MTCL1: variants seen among roughly 807,000 people sequenced by gnomAD.
The protein encoded by MTCL1 is microtubule crosslinking factor 1.
Under a neutral mutation model 141.4 loss-of-function variants are expected in MTCL1, and 79 were observed. The ratio of observed to expected loss-of-function variants is 0.56; its 90% CI spans 0.47 to 0.67. The LOEUF is 0.67. Among genes scored for constraint, MTCL1 ranks in the 30% least tolerant of loss-of-function variants. The pLI is 0.00. For synonymous variants in MTCL1, 914 were observed against 875.8 expected, an observed-to-expected ratio of 1.04 and a Z score of -0.77; for missense variants, 2,177 against 2,113.9, an observed-to-expected ratio of 1.03 and a Z score of -0.59.
Position 8,735,854 on chromosome 18 carries a change from G to A in MTCL1, c.357+15358G>A, listed in dbSNP as rs114499658. Among the ~76,000 whole-genome samples, 724 of 152,226 alleles carry A rather than the reference G, an allele frequency of 4.8e-3. 14 individuals are homozygous for A. The highest frequency in any genetic ancestry group is 0.016 in the African/African-American group (678 of 41,502). Reference sequence around the variant, plus strand: ...CATACAACTTGTGAATGGCAGACAGGACCTTGTGCCAGTAGGAGCCATTGA... The same window carrying A: ...CATACAACTTGTGAATGGCAGACAGAACCTTGTGCCAGTAGGAGCCATTGA... On this transcript the variant is annotated intron_variant, in intron 4 of 16. Coordinates refer to ENST00000359865, the Ensembl canonical transcript of MTCL1.
chr18:8,773,377 T>C (rs1372128197), intron 4 of MTCL1, among the ~76,000 whole-genome samples: 1 of 152,210 alleles, frequency 6.6e-6, no homozygotes, highest in Admixed American at 6.5e-5. Context: ...AAAAAAATCT[T>C]GTTTTAATTG....
At chr18:8,804,339 T>C (rs2076222260) in intron 10 of MTCL1, among the ~76,000 whole-genome samples, 2 of 151,580 alleles carry the variant, frequency 1.3e-5, no homozygotes, top group African/African-American at 2.4e-5. Context: ...CACTGTAACC[T>C]TGAACTCCTG....
At chr18:8,753,735 T>C (rs1440737379) in intron 4 of MTCL1, among the ~76,000 whole-genome samples, 1 of 152,204 alleles carries the variant, frequency 6.6e-6, no homozygotes, top group East Asian at 1.9e-4. Flanking sequence ...CATCAAGGTT[T>C]CTCACTGCAA....
upstream of MTCL1, among the ~76,000 whole-genome samples, chr18:8,714,859 C>T (rs1485649573): frequency 3.9e-5 from 6 of 151,920 alleles, no homozygotes; most frequent in African/African-American, 1.2e-4. Context: ...TGCAGTGGCG[C>T]GATTTCCACT....
At chr18:8,720,064 G>T in intron 3 of MTCL1, 2 of 323,602 alleles carry the variant, frequency 6.2e-6, no homozygotes, top group Non-Finnish European at 1.1e-5. Flanking sequence ...CAGTTTGGGG[G>T]GGTTGGATAC....
chr18:8,758,708 C>T (rs2096415075), intron 4 of MTCL1, among the ~76,000 whole-genome samples: 3 of 152,202 alleles, frequency 2.0e-5, no homozygotes, highest in Admixed American at 2.0e-4. Context: ...GGCGCTTTCT[C>T]ATCTCCCAAG....
At position 8,779,816 on chromosome 18, in the gene MTCL1, G is replaced by A. The variant is rs774642134; in HGVS notation, c.417+1924G>A. Among the ~76,000 whole-genome samples, 5 of 152,250 alleles carry A rather than the reference G, an allele frequency of 3.3e-5. No individual in the cohort carries two copies. Among genetic ancestry groups the A allele is most frequent in the South Asian group, 2.1e-4 (1 of 4,814 alleles). On this transcript the variant is annotated intron_variant, in intron 5 of 16. Transcript: ENST00000359865. The surrounding 1 kb of genome is among the most constrained non-coding windows in gnomAD (Gnocchi z 4.1). ...TTTTTTCTTTAAGGAACGAGAAGAC[G>A]TTTTGGACATTTTATCAATCCTCAG...
exon 15 of MTCL1, chr18:8,825,447 G>T: frequency 1.3e-6 from 2 of 1,572,596 alleles, no homozygotes; most frequent in Non-Finnish European, 1.7e-6. Context: ...CCAGACCAAT[G>T]GGTCCCGGAC....
chr18:8,776,739 T>G (rs1309501047), intron 4 of MTCL1, among the ~76,000 whole-genome samples: 4 of 108,484 alleles, frequency 3.7e-5, no homozygotes, highest in Admixed American at 3.4e-4. Context: ...ATTTATTTAT[T>G]TATTTATTTA....
intron 4 of MTCL1, among the ~76,000 whole-genome samples, chr18:8,762,957 T>G (rs1217900582): frequency 6.6e-6 from 1 of 152,238 alleles, no homozygotes; most frequent in Non-Finnish European, 1.5e-5. Flanking sequence ...TTTCCGTTTC[T>G]GTGTATTCTT....
chr18:8,823,490 C>T (rs890187643), intron 14 of MTCL1, among the ~76,000 whole-genome samples: 3 of 152,194 alleles, frequency 2.0e-5, no homozygotes, highest in Non-Finnish European at 4.4e-5. Flanking sequence ...TCAGCAACTC[C>T]TTGAATTGAG....
chr18:8,825,991 C>T (rs2077011875), exon 15 of MTCL1: 1 of 1,602,174 alleles, frequency 6.2e-7, no homozygotes, highest in East Asian at 2.2e-5. Context: ...GGAAGGTCGC[C>T]TAGCCCCATT....
At chr18:8,827,379 A>T (rs2077059460) in intron 15 of MTCL1, among the ~76,000 whole-genome samples, 1 of 152,246 alleles carries the variant, frequency 6.6e-6, no homozygotes, top group African/African-American at 2.4e-5. Flanking sequence ...GCAGGCTTGA[A>T]ATCTGAATAG....
chr18:8,766,564 A>G (rs1193881898), intron 4 of MTCL1, among the ~76,000 whole-genome samples: 4 of 152,246 alleles, frequency 2.6e-5, no homozygotes, highest in Non-Finnish European at 5.9e-5. Flanking sequence ...TAAATATAAT[A>G]TACTAGCAGA....
At chr18:8,706,452 C>A in exon 1 of MTCL1, 2 of 1,236,032 alleles carry the variant, frequency 1.6e-6, no homozygotes, top group Non-Finnish European at 2.0e-6. Context: ...CGGGCAGCCC[C>A]GAGCCCCCAG....
intron 4 of MTCL1, among the ~76,000 whole-genome samples, chr18:8,742,553 A>G (rs1342549776): frequency 6.6e-6 from 1 of 152,186 alleles, no homozygotes; most frequent in African/African-American, 2.4e-5. Flanking sequence ...GAACTCACTC[A>G]CTATCACAAG....
intron 11 of MTCL1, 134 bp downstream of exon 10, chr18:8,807,194 T>C (rs2076330195): frequency 1.1e-6 from 1 of 943,692 alleles, no homozygotes; most frequent in Admixed American, 2.8e-5. Context: ...GAGTGGCTGC[T>C]TGTGTCTCTT....
At chr18:8,740,167 C>T (rs1175023769) in intron 4 of MTCL1, among the ~76,000 whole-genome samples, 1 of 152,232 alleles carries the variant, frequency 6.6e-6, no homozygotes, top group Non-Finnish European at 1.5e-5. Context: ...TGGAGGCAGG[C>T]ATCATAGTAA....
At chr18:8,714,045 C>T (rs552732157), upstream of MTCL1, among the ~76,000 whole-genome samples, 106 of 152,330 alleles carry the variant, frequency 7.0e-4, no homozygotes, top group African/African-American at 2.4e-3. Flanking sequence ...CGTCACTTGT[C>T]GAGCTGTAAA....
Sources: allele counts gnomAD v4.1 joint callset (sites outside exome capture counted in the v4.1 genomes callset), GRCh38; gene constraint gnomAD v4.1.1; non-coding constraint Gnocchi (gnomAD v3.1); transcripts MANE v1.5; gene names NCBI Gene and HGNC (gene_info 2026-07-23, HGNC 2026-07-21).